Variants in PGF observed in about 807,000 individuals in gnomAD.
The protein encoded by PGF is placenta growth factor.
PGF carries 11 observed loss-of-function variants against 25.3 expected under a neutral mutation model. That is an observed-to-expected ratio of 0.43 (90% CI 0.27 to 0.72). The LOEUF (loss-of-function observed/expected upper bound fraction) is 0.72, where lower values mean the gene tolerates loss of function less well. Among genes scored for constraint, PGF ranks in the 30% least tolerant of loss-of-function variants. The probability of loss-of-function intolerance (pLI) is 0.18; values close to 1 mark genes in which losing one functional copy is unlikely to be tolerated. For missense variants in PGF, 230 were observed against 234.9 expected (o/e 0.98, Z 0.14); for synonymous variants, 105 against 97.9 (o/e 1.07, Z -0.43).
rs1440310207 is a variant in PGF at position 74,950,264 on chromosome 14, C to A, written c.119-711G>T. ...ACCTCCTCTTTGAAGACTTCCCCAGCAATTCCAGTGCACACAGATGAGCCT... is the reference window on the plus strand; with the variant it reads ...ACCTCCTCTTTGAAGACTTCCCCAGAAATTCCAGTGCACACAGATGAGCCT... On this transcript the variant is annotated intron_variant, in intron 2 of 6. Transcript: ENST00000555567. This position sits in a 1 kb window ranked among gnomAD's most constrained non-coding sequence, Gnocchi z 4.1. Among the ~76,000 whole-genome samples the A allele has an allele frequency of 6.6e-6, 1 of 152,256 alleles. No homozygotes were observed. Among genetic ancestry groups the A allele is most frequent in the African/African-American group, 2.4e-5 (1 of 41,466 alleles).
chr14:74,944,549 T>C (rs919344302), intron 6 of PGF: 1 of 151,894 alleles, frequency 6.6e-6, no homozygotes, highest in African/African-American at 2.4e-5. Context: ...TAATGACTTA[T>C]ACTTTTTTTT....
chr14:74,946,748 T>C, intron 4 of PGF: 1 of 703,790 alleles, frequency 1.4e-6, no homozygotes, highest in South Asian at 1.5e-5. Context: ...TTGCTGCTTT[T>C]TTCCGTTCCT....
chr14:74,948,732 C>T, intron 3 of PGF, 149 bp from the exon 4 acceptor site: 1 of 513,454 alleles, frequency 1.9e-6, no homozygotes, highest in Non-Finnish European at 3.5e-6. Flanking sequence ...GTGGGGCAAA[C>T]AGCTCTCTCA....
At chr14:74,944,309 A>G (rs569424220) in intron 6 of PGF, among the ~76,000 whole-genome samples, 9 of 151,794 alleles carry the variant, frequency 5.9e-5, no homozygotes, top group East Asian at 1.9e-4. Flanking sequence ...TCACCATGTT[A>G]GCCAGGATGG....
intron 4 of PGF, chr14:74,948,204 G>C (rs1888784381): frequency 3.5e-6 from 1 of 284,478 alleles, no homozygotes; most frequent in African/African-American, 2.2e-5. Context: ...CAGAGAAGGG[G>C]AACGACACGC....
At chr14:74,946,097 GC>G in intron 6 of PGF, 115 bp downstream of exon 6, 1 of 844,128 alleles carries the variant, frequency 1.2e-6, no homozygotes, top group Non-Finnish European at 1.9e-6. Context: ...TCCCTGTTCT[GC>G]CCCCAAGACT....
intron 6 of PGF, among the ~76,000 whole-genome samples, chr14:74,943,286 T>A (rs991227286): frequency 6.6e-6 from 1 of 152,236 alleles, no homozygotes; most frequent in African/African-American, 2.4e-5. Flanking sequence ...CCACAACACA[T>A]CTTGCTCATT....
rs1481125066 is a variant in PGF, at chr14:74,955,112, T to C, written c.75+56A>G. On this transcript the variant is annotated intron_variant, in intron 1 of 6. Coordinates refer to ENST00000555567, the MANE Select transcript of PGF (RefSeq NM_002632.6). This position sits in a 1 kb window ranked among gnomAD's most constrained non-coding sequence, Gnocchi z 4.1. ...GTCTGTGATTTCAGAGTCCCATGCT[T>C]CCAGTGCTGGGATGGGGAGGTCTGG... is the stretch of plus-strand genomic sequence containing the variant. 5 of 1,000,708 alleles carry C rather than the reference T, an allele frequency of 5.0e-6. No homozygotes were observed. Among genetic ancestry groups the C allele is most frequent in the Non-Finnish European group, 7.0e-6 (5 of 719,134 alleles). The allele number at this position is 1,000,708 out of a possible 1,614,324, so 62.0% of individuals were successfully genotyped here. A position where few individuals can be genotyped will look rare whatever the true frequency, so the allele number is the denominator to read the frequency against.
rs1016497902 is a variant in PGF at position 74,950,490 on chromosome 14, T to C, written c.119-937A>G. 6.6e-6 allele frequency among the ~76,000 whole-genome samples: 1 copy of C among 152,234 alleles called. No individual in the cohort carries two copies. The highest frequency in any genetic ancestry group is 2.4e-5 in the African/African-American group (1 of 41,472). ...GGTCATCCCTGACCTCACGATGTCC[T>C]GGCGATCGTGAATGGGATCTTTTGG... On this transcript the variant is annotated intron_variant, in intron 2 of 6. Coordinates refer to ENST00000555567, the MANE Select transcript of PGF (RefSeq NM_002632.6). This position sits in a 1 kb window ranked among gnomAD's most constrained non-coding sequence, Gnocchi z 4.1.
chr14:74,946,108 T>C, intron 6 of PGF, 105 bp downstream of exon 6: 2 of 951,292 alleles, frequency 2.1e-6, no homozygotes, highest in South Asian at 1.4e-5. Context: ...CCCCCAAGAC[T>C]GGCCTCAGTC....
intron 2 of PGF, among the ~76,000 whole-genome samples, chr14:74,952,497 T>G (rs770001712): frequency 6.6e-6 from 1 of 152,242 alleles, no homozygotes; most frequent in Non-Finnish European, 1.5e-5. Flanking sequence ...CCTTCCTACT[T>G]CACAGCCTGT....
chr14:74,942,538 C>G lies in PGF; in HGVS notation c.*168G>C. ...CTCACGTTGTTGAAGGCACTGAATT[C>G]CTGAGGGTCCTGTCCTTCCCTGCCC... On this transcript the variant is annotated 3_prime_UTR_variant, in exon 7 of 7. Coordinates refer to ENST00000555567, the MANE Select transcript of PGF (RefSeq NM_002632.6). The G allele has an allele frequency of 1.5e-6, 1 of 684,372 alleles. No individual in the cohort carries two copies. Among genetic ancestry groups the G allele is most frequent in the East Asian group, 3.0e-5 (1 of 33,424 alleles). The allele number at this position is 684,372 out of a possible 1,614,324, so 42.4% of individuals were successfully genotyped here.
chr14:74,943,942 A>G (rs1036862320), intron 6 of PGF, among the ~76,000 whole-genome samples: 3 of 152,138 alleles, frequency 2.0e-5, no homozygotes, highest in Admixed American at 1.3e-4. Context: ...TGACAAGGTA[A>G]TCAATAAAAG....
At position 74,950,508 on chromosome 14, in the gene PGF, T is replaced by A. The variant is rs1329820503; in HGVS notation, c.119-955A>T. Among the ~76,000 whole-genome samples the A allele has an allele frequency of 2.0e-5, 3 of 152,146 alleles. No homozygotes were observed. Among genetic ancestry groups the A allele is most frequent in the African/African-American group, 7.2e-5 (3 of 41,432 alleles). On this transcript the variant is annotated intron_variant, in intron 2 of 6. Transcript: ENST00000555567. The surrounding 1 kb of genome is among the most constrained non-coding windows in gnomAD (Gnocchi z 4.1). ...GATGTCCTGGCGATCGTGAATGGGA[T>A]CTTTTGGGGGCTGATCTGGAATCCC...
chr14:74,952,334 C>A (rs1380320215), intron 2 of PGF, among the ~76,000 whole-genome samples: 2 of 152,258 alleles, frequency 1.3e-5, no homozygotes, highest in African/African-American at 4.8e-5. Context: ...CAGCCTGCCA[C>A]AAGGGACACC....
At chr14:74,951,289 G>A (rs979946835) in intron 2 of PGF, among the ~76,000 whole-genome samples, 10 of 152,120 alleles carry the variant, frequency 6.6e-5, no homozygotes, top group Admixed American at 2.6e-4. Context: ...ATACTGCCCC[G>A]GAACCCAGTG....
At chr14:74,946,052 G>A (rs1888723696) in intron 6 of PGF, 161 bp downstream of exon 6, 1 of 620,900 alleles carries the variant, frequency 1.6e-6, no homozygotes, top group East Asian at 2.7e-5. Flanking sequence ...GTCCACTGAT[G>A]CTTCCTGGGC....
At chr14:74,952,936 C>T (rs1463360210) in intron 2 of PGF, among the ~76,000 whole-genome samples, 1 of 152,196 alleles carries the variant, frequency 6.6e-6, no homozygotes, top group Non-Finnish European at 1.5e-5. Flanking sequence ...CTAAAAGCAC[C>T]AAAAAGGGCA....
Position 74,955,442 on chromosome 14 carries a change from G to A in PGF, c.-200C>T, listed in dbSNP as rs1267974835. ...GAGCCCGTAGGTAAGGCTGTGGCTG[G>A]GGAACCCGACGGGGAGCGGCCCGGC... On this transcript the variant is annotated 5_prime_UTR_variant, in exon 1 of 7. Transcript: ENST00000555567. The surrounding 1 kb of genome is among the most constrained non-coding windows in gnomAD (Gnocchi z 4.1). The A allele has an allele frequency of 7.5e-6, 3 of 398,862 alleles. No individual in the cohort carries two copies. Among genetic ancestry groups the A allele is most frequent in the Non-Finnish European group, 1.3e-5 (3 of 225,628 alleles). The allele number at this position is 398,862 out of a possible 1,614,324, so 24.7% of individuals were successfully genotyped here.
Sources: gnomAD v4.1 joint callset for allele counts (sites outside exome capture counted in the v4.1 genomes callset) on GRCh38, gnomAD v4.1.1 for gene constraint, Gnocchi (gnomAD v3.1) non-coding constraint, MANE v1.5 for transcripts, NCBI Gene and HGNC (gene_info 2026-07-23, HGNC 2026-07-21) for gene names.